The following PTPRS variants were observed in gnomAD, a reference collection of about 807,000 sequenced individuals.
PTPRS encodes receptor-type tyrosine-protein phosphatase S.
PTPRS carries 63 observed loss-of-function variants against 215.3 expected under a neutral mutation model. The ratio of observed to expected loss-of-function variants is 0.29; its 90% CI spans 0.24 to 0.36. PTPRS has a LOEUF of 0.36. PTPRS is among the 10% of genes least tolerant of loss of function. The probability of loss-of-function intolerance (pLI) is 1.00; values close to 1 mark genes in which losing one functional copy is unlikely to be tolerated. For synonymous variants in PTPRS, 1,404 were observed against 1,191.4 expected, an observed-to-expected ratio of 1.18 and a Z score of -3.68; for missense variants, 2,258 against 2,825.8, an observed-to-expected ratio of 0.80 and a Z score of 4.56.
At chr19:5,224,051 C>T (rs896231772) in intron 17 of PTPRS, among the ~76,000 whole-genome samples, 9 of 151,912 alleles carry the variant, frequency 5.9e-5, no homozygotes, top group African/African-American at 1.9e-4. Flanking sequence ...TGGTGGTGCA[C>T]GCCTGTAATC....
At chr19:5,265,503 G>A (rs576730147) in intron 4 of PTPRS, among the ~76,000 whole-genome samples, 122 of 152,152 alleles carry the variant, frequency 8.0e-4, no homozygotes, top group African/African-American at 2.9e-3. Flanking sequence ...CACCACGCCT[G>A]GCTAATTTTT....
At chr19:5,281,624 G>T (rs1410349395) in intron 2 of PTPRS, among the ~76,000 whole-genome samples, 1 of 152,220 alleles carries the variant, frequency 6.6e-6, no homozygotes, top group African/African-American at 2.4e-5. Context: ...GGCTGGGGCT[G>T]CCCCCTCCTT....
chr19:5,207,807 A>C (rs2040501545), intron 37 of PTPRS, 115 bp downstream of exon 37: 1 of 1,469,510 alleles, frequency 6.8e-7, no homozygotes, highest in African/African-American at 1.4e-5. Context: ...CCGTCTACCC[A>C]CAGTGACCCA....
chr19:5,239,102 AGAGAGAGAGAGAGACAGAAACAAAGGG>A (rs574927800), intron 12 of PTPRS, 39 bp from the exon 13 acceptor site: 13,003 of 1,158,596 alleles, frequency 0.011, 66 homozygotes, highest in South Asian at 0.026. Context: ...GGGATGGGGG[AGAGAGAGAGAGAGACAGAAACAAAGGG>A]GAGAGAGAGA....
intron 1 of PTPRS, among the ~76,000 whole-genome samples, chr19:5,297,718 G>A (rs2049178513): frequency 6.6e-6 from 1 of 151,836 alleles, no homozygotes; most frequent in Non-Finnish European, 1.5e-5. Context: ...TGACAACAGA[G>A]TTGCAGGCAG....
At chr19:5,226,757 A>C (rs2042539297) in intron 16 of PTPRS, among the ~76,000 whole-genome samples, 1 of 152,114 alleles carries the variant, frequency 6.6e-6, no homozygotes, top group Non-Finnish European at 1.5e-5. Flanking sequence ...AAAAATAAAT[A>C]AATAAACTGT....
chr19:5,218,506 G>C lies in PTPRS; in HGVS notation c.3962C>G (p.Thr1321Ser), dbSNP rs2041686880. 7 of 1,614,164 alleles carry C rather than the reference G, an allele frequency of 4.3e-6. No homozygotes were observed. The highest frequency in any genetic ancestry group is 5.9e-6 in the Non-Finnish European group (7 of 1,180,030). The change falls in exon 25 of 38, where the codon ACC (threonine) becomes AGC (serine). Residue 1321 changes from threonine (T) to serine (S), a missense_variant. Thr to Ser is a moderately conservative substitution (Grantham distance 58). Around this residue, in one of 6 missense-constraint regions of PTPRS, gnomAD observed 927 missense variants for 1,125.9 expected, o/e 0.82. Transcript: ENST00000262963. ...GTCGGCATTGTTCAGGAGGCATTTG[G>C]TGCGGGGTTCTGAGTCCTTGCGTTT... Reference protein sequence around the residue: ...DSKRKDSEPRTKCLLNNADLA... With the variant: ...DSKRKDSEPRSKCLLNNADLA...
At chr19:5,221,772 C>T (rs1352865870) in intron 19 of PTPRS, among the ~76,000 whole-genome samples, 1 of 152,086 alleles carries the variant, frequency 6.6e-6, no homozygotes, top group South Asian at 2.1e-4. Context: ...CCTGATTATG[C>T]CTCAGTCCCA....
At position 5,212,280 on chromosome 19, in the gene PTPRS, G is replaced by A. The variant is rs202035346; in HGVS notation, c.4770-30C>T. 1.2e-5 allele frequency: 19 copies of A among 1,608,516 alleles called. No individual in the cohort carries two copies. The African/African-American group carries it at 2.1e-4, about 18-fold the overall frequency. ...AGGGACAGCCACGTGGCGTTCAGGGGCTGCTGGGCTGCGGGGACCGGGGGG... is the reference window on the plus strand; with the variant it reads ...AGGGACAGCCACGTGGCGTTCAGGGACTGCTGGGCTGCGGGGACCGGGGGG... On this transcript the variant is annotated intron_variant, in intron 31 of 37. Coordinates refer to ENST00000262963, the MANE Select transcript of PTPRS (RefSeq NM_002850.4).
intron 1 of PTPRS, among the ~76,000 whole-genome samples, chr19:5,326,264 A>C (rs992810299): frequency 5.9e-5 from 9 of 151,822 alleles, no homozygotes; most frequent in Non-Finnish European, 1.0e-4. Flanking sequence ...CTCAACCAGC[A>C]AGGGGGTCAT....
intron 13 of PTPRS, among the ~76,000 whole-genome samples, chr19:5,233,984 T>G (rs2043227200): frequency 1.6e-5 from 1 of 63,706 alleles, no homozygotes. Context: ...AAAATCTATA[T>G]GTCACACACT....
At chr19:5,243,182 C>T (rs1360976865) in intron 11 of PTPRS, among the ~76,000 whole-genome samples, 1 of 151,184 alleles carries the variant, frequency 6.6e-6, no homozygotes, top group Non-Finnish European at 1.5e-5. Context: ...GTCGCCCAGG[C>T]TGGATGCAAT....
chr19:5,229,564 T>C lies in PTPRS; in HGVS notation c.2276A>G (p.His759Arg). The change falls in exon 15 of 38, where the codon CAC becomes CGC. Residue 759 changes from histidine (H) to arginine (R), a missense_variant. Transcript: ENST00000262963. ...QHGQIRGYQV[H>R]YVRMEGAEAR... ...CTCGGCGCCCTCCATGCGCACGTAG[T>C]GGACCTGGTAGCCGCGGATCTGGCC... 1 of 1,458,898 alleles carries C rather than the reference T, an allele frequency of 6.9e-7. No individual in the cohort carries two copies. The highest frequency in any genetic ancestry group is 2.6e-5 in the Admixed American group (1 of 38,770). 90.4% of individuals were successfully genotyped at this position (1,458,898 alleles called of 1,614,324 possible).
chr19:5,300,754 C>G (rs1251621367), intron 1 of PTPRS, among the ~76,000 whole-genome samples: 2 of 67,868 alleles, frequency 2.9e-5, no homozygotes, highest in Non-Finnish European at 2.7e-5. Flanking sequence ...GGTGATAGAA[C>G]AAGACTCCGT....
rs1452171463 is a variant in PTPRS, at chr19:5,220,958, GATGGGGGTGACAAGGAACCCGGAGC to G, written c.3455+17_3455+41del. ...GCTTGCCCCAGCCATATAGTAGGCT[GATGGGGGTGACAAGGAACCCGGAGC>G]ATGGGGGTGAGCATACTGGACAGGC... On this transcript the variant is annotated intron_variant, in intron 20 of 37. Coordinates refer to ENST00000262963, the MANE Select transcript of PTPRS (RefSeq NM_002850.4). 21 of 1,570,686 alleles carry G rather than the reference GATGGGGGTGACAAGGAACCCGGAGC, an allele frequency of 1.3e-5. No individual in the cohort carries two copies. The highest frequency in any genetic ancestry group is 5.3e-5 in the Admixed American group (3 of 56,762).
rs1052789629 is a variant in PTPRS at position 5,210,822 on chromosome 19, T to A, written c.5235-17A>T. 8 of 1,611,702 alleles carry A rather than the reference T, an allele frequency of 5.0e-6. No individual in the cohort carries two copies. The highest frequency in any genetic ancestry group is 6.8e-6 in the Non-Finnish European group (8 of 1,179,610). ...TTCTGCTGCCTGCAGGCGTTGGGGG[T>A]ATGAGCCCAGGGCCGGCAGGGAGAC... On this transcript the variant is annotated splice_polypyrimidine_tract_variant and intron_variant, in intron 33 of 37. Transcript: ENST00000262963. This position sits in a 1 kb window ranked among gnomAD's most constrained non-coding sequence, Gnocchi z 4.5.
chr19:5,334,563 C>T (rs1325096896), intron 1 of PTPRS, among the ~76,000 whole-genome samples: 1 of 152,236 alleles, frequency 6.6e-6, no homozygotes, highest in Admixed American at 6.5e-5. Flanking sequence ...CATGCAGCCT[C>T]AGTCCAGCAT....
chr19:5,322,913 G>A (rs1322526926), intron 1 of PTPRS, among the ~76,000 whole-genome samples: 183 of 136,002 alleles, frequency 1.3e-3, no homozygotes, highest in African/African-American at 4.9e-3. Flanking sequence ...AGAAGAAGAA[G>A]AAGAAAAAGA....
Position 5,213,146 on chromosome 19 carries a change from A to G in PTPRS, c.4615-655T>C, listed in dbSNP as rs1184010389. On this transcript the variant is annotated intron_variant, in intron 30 of 37. Transcript: ENST00000262963. ...AAGTCTATCCCAATCCACCTGCTCC[A>G]TGTTCTCCATGCAGGCCAATCTGGT... is the stretch of plus-strand genomic sequence containing the variant. Among the ~76,000 whole-genome samples the G allele has an allele frequency of 5.3e-5, 8 of 152,090 alleles. No individual in the cohort carries two copies. In the East Asian group the frequency reaches 1.5e-3, roughly 29 times the overall value.
Sources: allele counts gnomAD v4.1 joint callset (sites outside exome capture counted in the v4.1 genomes callset), GRCh38; gene constraint gnomAD v4.1.1; regional missense constraint gnomAD v4.1.1; non-coding constraint Gnocchi (gnomAD v3.1); transcripts MANE v1.5; gene names NCBI Gene and HGNC (gene_info 2026-07-23, HGNC 2026-07-21).